Variants in GLTP observed in about 807,000 individuals in gnomAD.
GLTP encodes the protein glycolipid transfer protein.
GLTP carries 22 observed loss-of-function variants against 24.0 expected under a neutral mutation model. That is an observed-to-expected ratio of 0.92 (90% confidence interval 0.65 to 1.31). GLTP has a LOEUF of 1.31. Ranked by LOEUF, GLTP falls within the 50% of genes most tolerant of loss-of-function variation. The probability of loss-of-function intolerance (pLI) is 0.00; values close to 1 mark genes in which losing one functional copy is unlikely to be tolerated. For synonymous variants in GLTP, 92 were observed against 115.9 expected (o/e 0.79, Z 1.33); for missense variants, 224 against 276.6 (o/e 0.81, Z 1.35).
intron 1 of GLTP, among the ~76,000 whole-genome samples, chr12:109,873,458 C>A (rs1048223654): frequency 6.6e-6 from 1 of 151,956 alleles, no homozygotes; most frequent in African/African-American, 2.4e-5. Flanking sequence ...CATGGTGAAA[C>A]CCTGTCTCTA....
chr12:109,874,446 A>T (rs1462196486), intron 1 of GLTP, among the ~76,000 whole-genome samples: 3 of 152,296 alleles, frequency 2.0e-5, no homozygotes, highest in East Asian at 3.9e-4. Context: ...TTCCACAGAC[A>T]TCCATTTAAT....
At position 109,857,139 on chromosome 12, in the gene GLTP, C is replaced by T. The variant is rs1260583759; in HGVS notation, c.296+387G>A. On this transcript the variant is annotated intron_variant, in intron 3 of 4. Transcript: ENST00000318348. This position sits in a 1 kb window ranked among gnomAD's most constrained non-coding sequence, Gnocchi z 4.3. ...CGCGTGACCAGCCCTAAACAGGACACCTTTGTGCAGTACGCAACCTGCATA... is the reference window on the plus strand; with the variant it reads ...CGCGTGACCAGCCCTAAACAGGACATCTTTGTGCAGTACGCAACCTGCATA... Among the ~76,000 whole-genome samples the T allele has an allele frequency of 6.6e-6, 1 of 152,188 alleles. No individual in the cohort carries two copies. The highest frequency in any genetic ancestry group is 2.1e-4 in the South Asian group (1 of 4,832).
intron 1 of GLTP, among the ~76,000 whole-genome samples, chr12:109,865,294 A>G (rs567899066): frequency 6.6e-6 from 1 of 152,212 alleles, no homozygotes; most frequent in East Asian, 1.9e-4. Flanking sequence ...TGTCTTTTAA[A>G]CATTTTTTAT....
At chr12:109,853,661 C>G (rs1385598644) in intron 4 of GLTP, among the ~76,000 whole-genome samples, 1 of 148,408 alleles carries the variant, frequency 6.7e-6, no homozygotes, top group Non-Finnish European at 1.5e-5. Flanking sequence ...GCACTGCAGC[C>G]TGGGTGACAG....
chr12:109,862,042 C>G (rs964869423), intron 1 of GLTP, among the ~76,000 whole-genome samples: 3 of 152,176 alleles, frequency 2.0e-5, no homozygotes, highest in African/African-American at 7.2e-5. Context: ...TCATGCTAGG[C>G]CACGAGCAGT....
intron 2 of GLTP, chr12:109,858,018 C>T: frequency 2.3e-6 from 1 of 433,890 alleles, no homozygotes; most frequent in Non-Finnish European, 4.5e-6. Context: ...CACCAAGTAT[C>T]TGAAGTTTTG....
chr12:109,859,190 G>T (rs1413472637), intron 1 of GLTP, among the ~76,000 whole-genome samples: 1 of 152,116 alleles, frequency 6.6e-6, no homozygotes, highest in Admixed American at 6.6e-5. Context: ...GAGTAGCTGG[G>T]AATACAGGCA....
intron 1 of GLTP, among the ~76,000 whole-genome samples, chr12:109,876,163 T>G (rs182648731): frequency 0.01 from 1,537 of 152,132 alleles, 94 homozygotes; most frequent in Admixed American, 0.087. Flanking sequence ...GCCGAAATGG[T>G]AAAACCCCAT....
intron 2 of GLTP, chr12:109,858,126 G>T (rs1465020191): frequency 2.2e-6 from 1 of 458,200 alleles, no homozygotes; most frequent in Non-Finnish European, 4.4e-6. Flanking sequence ...CTGAATCCCA[G>T]CTTTGCCACG....
intron 3 of GLTP, among the ~76,000 whole-genome samples, chr12:109,856,220 C>G (rs942895021): frequency 1.3e-5 from 2 of 152,222 alleles, no homozygotes; most frequent in Admixed American, 1.3e-4. Flanking sequence ...TTCCCGCCTC[C>G]ACTCCCCAGC....
At chr12:109,864,322 T>C (rs150461949) in intron 1 of GLTP, among the ~76,000 whole-genome samples, 1 of 152,240 alleles carries the variant, frequency 6.6e-6, no homozygotes, top group East Asian at 1.9e-4. Context: ...TTTGGAAGCA[T>C]CTGGAGGTGG....
chr12:109,854,274 C>T (rs1034304087), intron 4 of GLTP, among the ~76,000 whole-genome samples: 1 of 150,078 alleles, frequency 6.7e-6, no homozygotes, highest in Non-Finnish European at 1.5e-5. Flanking sequence ...GCTGGAGAAT[C>T]GCTTGAGCCT....
intron 1 of GLTP, among the ~76,000 whole-genome samples, chr12:109,878,603 CA>C (rs140738777): frequency 1.4e-5 from 2 of 144,246 alleles, no homozygotes; most frequent in Admixed American, 6.9e-5. Flanking sequence ...AACAAGCAAG[CA>C]AAAAAAAAAC....
chr12:109,867,339 G>A (rs1448209735), intron 1 of GLTP, among the ~76,000 whole-genome samples: 1 of 151,818 alleles, frequency 6.6e-6, no homozygotes, highest in African/African-American at 2.4e-5. Context: ...AGTAGAGACA[G>A]GGTTTCACCA....
chr12:109,870,579 T>C (rs1868689533), intron 1 of GLTP, among the ~76,000 whole-genome samples: 1 of 152,102 alleles, frequency 6.6e-6, no homozygotes, highest in African/African-American at 2.4e-5. Flanking sequence ...AAGCTTTTCT[T>C]TAGAGAGGAA....
chr12:109,868,002 C>T (rs1868598766), intron 1 of GLTP, among the ~76,000 whole-genome samples: 2 of 152,206 alleles, frequency 1.3e-5, no homozygotes, highest in African/African-American at 4.8e-5. Flanking sequence ...TGGTCGCGAT[C>T]TCCTGACCTC....
intron 1 of GLTP, among the ~76,000 whole-genome samples, chr12:109,868,229 T>C (rs930787030): frequency 1.6e-5 from 2 of 123,952 alleles, no homozygotes; most frequent in Admixed American, 8.3e-5. Flanking sequence ...CAGGCTGGTC[T>C]TGAACTCCTA....
At chr12:109,873,817 AACACAC>A (rs112538687) in intron 1 of GLTP, among the ~76,000 whole-genome samples, 1,707 of 149,404 alleles carry the variant, frequency 0.011, 29 homozygotes, top group Middle Eastern at 0.017. Flanking sequence ...TCTTAAACAA[AACACAC>A]ACACACACAC....
rs1892817578 is a variant in GLTP, at chr12:109,857,680, T to C, written c.163-21A>G. The C allele has an allele frequency of 6.2e-7, 1 of 1,614,028 alleles. No homozygotes were observed. Among genetic ancestry groups the C allele is most frequent in the Non-Finnish European group, 8.5e-7 (1 of 1,179,898 alleles). On this transcript the variant is annotated intron_variant, in intron 2 of 4. Coordinates refer to ENST00000318348, the MANE Select transcript of GLTP (RefSeq NM_016433.4). This position sits in a 1 kb window ranked among gnomAD's most constrained non-coding sequence, Gnocchi z 4.3. ...ATTTTCTGAAATGGAGCACACAAGA[T>C]TTCCCCTTGGGTAAGCTGCCCCCAT...
Sources: gnomAD v4.1 joint callset for allele counts (sites outside exome capture counted in the v4.1 genomes callset) on GRCh38, gnomAD v4.1.1 for gene constraint, Gnocchi (gnomAD v3.1) non-coding constraint, MANE v1.5 for transcripts, NCBI Gene and HGNC (gene_info 2026-07-23, HGNC 2026-07-21) for gene names.